Variants in SEC14L1 observed in about 807,000 individuals in gnomAD.
SEC14L1 encodes the protein SEC14-like protein 1.
In SEC14L1, 48 loss-of-function variants were observed where a neutral mutation model predicts 85.3. The ratio of observed to expected loss-of-function variants is 0.56; its 90% confidence interval spans 0.45 to 0.72. The LOEUF (loss-of-function observed/expected upper bound fraction) is 0.72, where lower values mean the gene tolerates loss of function less well. Among genes scored for constraint, SEC14L1 ranks in the 30% least tolerant of loss-of-function variants. SEC14L1 has a pLI of 0.00. For synonymous variants in SEC14L1, 391 were observed against 355.5 expected (o/e 1.10, Z -1.12); for missense variants, 682 against 921.4 (o/e 0.74, Z 3.36).
intron 3 of SEC14L1, among the ~76,000 whole-genome samples, chr17:77,133,614 G>A (rs991359053): frequency 5.9e-5 from 9 of 152,092 alleles, no homozygotes; most frequent in Admixed American, 5.9e-4. Context: ...AATGAGAGGC[G>A]ACAACAGACA....
intron 8 of SEC14L1, among the ~76,000 whole-genome samples, chr17:77,198,042 T>C (rs903654540): frequency 5.9e-5 from 9 of 152,270 alleles, no homozygotes; most frequent in Non-Finnish European, 8.8e-5. Flanking sequence ...ATAGATTGTC[T>C]ATAAAATGTG....
At chr17:77,188,233 C>G (rs979356398) in intron 3 of SEC14L1, among the ~76,000 whole-genome samples, 3 of 152,196 alleles carry the variant, frequency 2.0e-5, no homozygotes, top group African/African-American at 7.2e-5. Context: ...TGCGCATAGT[C>G]GAGACGCAGA....
chr17:77,109,793 T>C (rs549945123), intron 3 of SEC14L1, among the ~76,000 whole-genome samples: 1 of 152,336 alleles, frequency 6.6e-6, no homozygotes, highest in South Asian at 2.1e-4. Flanking sequence ...TACCAGTACT[T>C]AGCATCTACT....
intron 3 of SEC14L1, among the ~76,000 whole-genome samples, chr17:77,163,394 A>AGCACCATCCCTCCCTCATCG (rs1567903688): frequency 7.5e-4 from 1 of 1,330 alleles, no homozygotes; most frequent in Non-Finnish European, 3.9e-3. Context: ...AGACTGGTTC[A>AGCACCATCCCTCCCTCATCG]GTCAGAGCTT....
At chr17:77,157,859 G>GT (rs910298908) in intron 3 of SEC14L1, among the ~76,000 whole-genome samples, 1 of 151,928 alleles carries the variant, frequency 6.6e-6, no homozygotes, top group Non-Finnish European at 1.5e-5. Flanking sequence ...CAAACGAATG[G>GT]TTTTTTTCAA....
At chr17:77,189,290 T>C (rs1488100680) in intron 3 of SEC14L1, among the ~76,000 whole-genome samples, 7 of 152,146 alleles carry the variant, frequency 4.6e-5, no homozygotes, top group African/African-American at 1.7e-4. Flanking sequence ...ACTTCCCTTG[T>C]AAAGGTTAAC....
intron 3 of SEC14L1, among the ~76,000 whole-genome samples, chr17:77,169,978 A>G (rs1974455055): frequency 2.0e-5 from 3 of 152,218 alleles, no homozygotes; most frequent in Admixed American, 2.0e-4. Flanking sequence ...TAAGTATCAC[A>G]GAACTACCAG....
upstream of SEC14L1, among the ~76,000 whole-genome samples, chr17:77,138,544 C>A (rs1254745429): frequency 2.6e-5 from 4 of 152,126 alleles, no homozygotes; most frequent in Non-Finnish European, 5.9e-5. Flanking sequence ...CACTTGAACC[C>A]AGGAGGTGGA....
intron 3 of SEC14L1, among the ~76,000 whole-genome samples, chr17:77,114,563 A>G (rs1364262166): frequency 6.7e-6 from 1 of 149,288 alleles, no homozygotes; most frequent in African/African-American, 2.5e-5. Context: ...GGCCAGGCAC[A>G]GTAGCTCACT....
chr17:77,185,415 A>G (rs1005543799), intron 3 of SEC14L1: 19 of 983,840 alleles, frequency 1.9e-5, no homozygotes, highest in Non-Finnish European at 2.3e-5. Flanking sequence ...ATATGAGTCT[A>G]CGTGGATGGA....
At position 77,155,277 on chromosome 17, in the gene SEC14L1, T is replaced by C. The variant is rs117048487; in HGVS notation, c.63+11618T>C. Among the ~76,000 whole-genome samples, 502 of 152,230 alleles carry C rather than the reference T, an allele frequency of 3.3e-3. 1 individual carries two copies. The highest frequency in any genetic ancestry group is 6.0e-3 in the Admixed American group (91 of 15,290). Reference sequence around the variant, plus strand: ...TGCCTCTGAAACAGAGTTCATCTCCTCTTGCCTGCGCAAAAAACACACACC... The same window carrying C: ...TGCCTCTGAAACAGAGTTCATCTCCCCTTGCCTGCGCAAAAAACACACACC... On this transcript the variant is annotated intron_variant, in intron 3 of 16. Coordinates refer to ENST00000436233, the MANE Select transcript of SEC14L1 (RefSeq NM_001143998.2).
Position 77,151,826 on chromosome 17 carries a change from G to T in SEC14L1, c.63+8167G>T, listed in dbSNP as rs1847543330. On this transcript the variant is annotated intron_variant, in intron 3 of 16. Coordinates refer to ENST00000436233, the MANE Select transcript of SEC14L1 (RefSeq NM_001143998.2). The stretch of plus-strand genomic sequence containing the variant: ...GAGACCAGCCTGGGCAACGTGGTAA[G>T]ACCCTGTCTCTAAAAAACAAAACAA... 5.3e-5 allele frequency among the ~76,000 whole-genome samples: 8 copies of T among 152,120 alleles called. No homozygotes were observed. The South Asian group carries it at 1.7e-3, about 32-fold the overall frequency.
Position 77,203,496 on chromosome 17 carries a change from T to A in SEC14L1, c.1010-74T>A, listed in dbSNP as rs985258004. Reference sequence around the variant, plus strand: ...AACACAGGCGAACACATATTCCTGTTAAGGGTCTTAGAGTTGTATCCTCAG... The same window carrying A: ...AACACAGGCGAACACATATTCCTGTAAAGGGTCTTAGAGTTGTATCCTCAG... On this transcript the variant is annotated intron_variant, in intron 9 of 16. Transcript: ENST00000436233. 36 of 1,294,810 alleles carry A rather than the reference T, an allele frequency of 2.8e-5. No individual in the cohort carries two copies. The African/African-American group carries it at 5.0e-4, about 18-fold the overall frequency. 80.2% of individuals were successfully genotyped at this position (1,294,810 alleles called of 1,614,324 possible). A position where few individuals can be genotyped will look rare whatever the true frequency, so the allele number is the denominator to read the frequency against.
intron 15 of SEC14L1, among the ~76,000 whole-genome samples, chr17:77,212,431 G>A (rs1339892802): frequency 6.6e-6 from 1 of 152,208 alleles, no homozygotes; most frequent in Non-Finnish European, 1.5e-5. Context: ...CCCAAAAGCA[G>A]CCTGTGACAG....
At position 77,203,576 on chromosome 17, in the gene SEC14L1, G is replaced by A. The variant is rs1363217168; in HGVS notation, c.1016G>A (p.Arg339Gln). ...GGWHHHDKDG[R>Q]PLYVLRLGQM... ...TCCTTCCCCTCCTCTGCAGATGGGC[G>A]GCCCCTCTACGTGCTCAGGCTGGGG... is the stretch of plus-strand genomic sequence containing the variant. The change falls in exon 10 of 17, where the codon CGG becomes CAG. Residue 339 changes from arginine to glutamine, a missense_variant. By Grantham distance (43) the Arg-to-Gln change is conservative. Around this residue, in one of 3 missense-constraint regions of SEC14L1, gnomAD observed 420 missense variants for 619.5 expected, o/e 0.68. Coordinates refer to ENST00000436233, the MANE Select transcript of SEC14L1 (RefSeq NM_001143998.2). 5.6e-6 allele frequency: 9 copies of A among 1,613,162 alleles called. No individual in the cohort carries two copies. Among genetic ancestry groups the A allele is most frequent in the Non-Finnish European group, 7.6e-6 (9 of 1,179,650 alleles).
chr17:77,135,786 C>A (rs1365237499), intron 3 of SEC14L1, among the ~76,000 whole-genome samples: 1 of 152,172 alleles, frequency 6.6e-6, no homozygotes, highest in Admixed American at 6.5e-5. Flanking sequence ...AGCAATCCTT[C>A]CAACTTGGCT....
chr17:77,146,413 C>T (rs1973308582), intron 3 of SEC14L1, among the ~76,000 whole-genome samples: 1 of 152,206 alleles, frequency 6.6e-6, no homozygotes, highest in Non-Finnish European at 1.5e-5. Flanking sequence ...GTTTAACGTT[C>T]AGACTTCCTT....
chr17:77,213,903 C>T lies in SEC14L1; in HGVS notation c.2043-15C>T, dbSNP rs747530567. On this transcript the variant is annotated splice_polypyrimidine_tract_variant and intron_variant, in intron 16 of 16. Coordinates refer to ENST00000436233, the MANE Select transcript of SEC14L1 (RefSeq NM_001143998.2). The surrounding 1 kb of genome is among the most constrained non-coding windows in gnomAD (Gnocchi z 7.1). ...GGGTGGTCCTCACGCCTCGCCCCTC[C>T]CTGTGCCATTACAGAGGTTCCATGA... 1.2e-6 allele frequency: 2 copies of T among 1,612,044 alleles called. No individual in the cohort carries two copies. Among genetic ancestry groups the T allele is most frequent in the South Asian group, 2.2e-5 (2 of 90,778 alleles).
Position 77,213,882 on chromosome 17 carries a change from G to A in SEC14L1, c.2043-36G>A, listed in dbSNP as rs1176344690. 6.2e-7 allele frequency: 1 copy of A among 1,608,756 alleles called. No individual in the cohort carries two copies. The highest frequency in any genetic ancestry group is 1.7e-5 in the Admixed American group (1 of 59,872). ...TGGGCCGGCGGGTGGTTGGCAGGGT[G>A]GTCCTCACGCCTCGCCCCTCCCTGT... On this transcript the variant is annotated intron_variant, in intron 16 of 16. Coordinates refer to ENST00000436233, the MANE Select transcript of SEC14L1 (RefSeq NM_001143998.2). The surrounding 1 kb of genome is among the most constrained non-coding windows in gnomAD (Gnocchi z 7.1).
Sources: allele counts gnomAD v4.1 joint callset (sites outside exome capture counted in the v4.1 genomes callset), GRCh38; gene constraint gnomAD v4.1.1; regional missense constraint gnomAD v4.1.1; non-coding constraint Gnocchi (gnomAD v3.1); transcripts MANE v1.5; gene names NCBI Gene and HGNC (gene_info 2026-07-23, HGNC 2026-07-21).